The following CPT1A variants were observed in gnomAD, a reference collection of about 807,000 sequenced individuals.
The protein encoded by CPT1A is carnitine O-palmitoyltransferase 1, liver isoform.
A neutral mutation model predicts 100.8 loss-of-function variants in CPT1A; 64 were observed. The observed-to-expected ratio is 0.63, with a 90% CI of 0.52 to 0.78. The LOEUF (loss-of-function observed/expected upper bound fraction) is 0.78. CPT1A is among the 30% of genes least tolerant of loss of function. The pLI, the probability that CPT1A is intolerant of heterozygous loss-of-function variation, is 0.00. For synonymous variants in CPT1A, 363 were observed against 396.0 expected (o/e 0.92, Z 0.99); for missense variants, 802 against 1,034.1 (o/e 0.78, Z 3.08).
intron 18 of CPT1A, among the ~76,000 whole-genome samples, chr11:68,759,284 A>G (rs1462920688): frequency 6.6e-6 from 1 of 151,360 alleles, no homozygotes; most frequent in Non-Finnish European, 1.5e-5. Context: ...AGTCCCAGCT[A>G]CTTGGGAGGC....
chr11:68,773,651 G>T, intron 13 of CPT1A: 1 of 651,634 alleles, frequency 1.5e-6, no homozygotes, highest in Non-Finnish European at 2.5e-6. Flanking sequence ...TCTGACATGA[G>T]CAGGCCAGGA....
chr11:68,779,725 G>A (rs1004420478), intron 12 of CPT1A, among the ~76,000 whole-genome samples: 2 of 151,208 alleles, frequency 1.3e-5, no homozygotes, highest in East Asian at 1.9e-4. Flanking sequence ...GAGCCTGGGC[G>A]GTCAAGGCTA....
At chr11:68,789,717 C>A (rs1320627647) in intron 9 of CPT1A, among the ~76,000 whole-genome samples, 1 of 152,046 alleles carries the variant, frequency 6.6e-6, no homozygotes, top group Non-Finnish European at 1.5e-5. Context: ...ATTTACATTT[C>A]TTTCATTCCC....
chr11:68,834,697 C>T (rs557403831), intron 1 of CPT1A, among the ~76,000 whole-genome samples: 1 of 151,956 alleles, frequency 6.6e-6, no homozygotes, highest in South Asian at 2.1e-4. Context: ...GCTATGATCA[C>T]GCCACTGCAC....
chr11:68,757,392 G>A lies in CPT1A; in HGVS notation c.*252C>T. The A allele has an allele frequency of 7.3e-7, 1 of 1,367,290 alleles. No individual in the cohort carries two copies. Among genetic ancestry groups the A allele is most frequent in the Non-Finnish European group, 9.4e-7 (1 of 1,059,400 alleles). The allele number at this position is 1,367,290 out of a possible 1,614,324, so 84.7% of individuals were successfully genotyped here. Reference sequence around the variant, plus strand: ...GATTTGCATCCCTTAATAAATCCAAGCCGATGCGGAGACATCAGGGGAGAC... The same window carrying A: ...GATTTGCATCCCTTAATAAATCCAAACCGATGCGGAGACATCAGGGGAGAC... On this transcript the variant is annotated 3_prime_UTR_variant, in exon 19 of 19. Transcript: ENST00000265641.
intron 4 of CPT1A, among the ~76,000 whole-genome samples, chr11:68,806,078 C>T (rs962796551): frequency 6.6e-6 from 1 of 150,792 alleles, no homozygotes; most frequent in Non-Finnish European, 1.5e-5. Context: ...TGCAGTGACA[C>T]AACCACAGCT....
At chr11:68,783,262 C>T (rs1398759315) in intron 10 of CPT1A, among the ~76,000 whole-genome samples, 1 of 152,066 alleles carries the variant, frequency 6.6e-6, no homozygotes, top group Non-Finnish European at 1.5e-5. Context: ...CCACATTAAC[C>T]TACTCATGCA....
rs1156671342 is a variant in CPT1A, at chr11:68,761,513, GGAA to G, written c.2028+19_2028+21del. On this transcript the variant is annotated intron_variant, in intron 16 of 18. Coordinates refer to ENST00000265641, the MANE Select transcript of CPT1A (RefSeq NM_001876.4). ...TTTTGGTCTAGCCAATACAACTGAC[GGAA>G]GAAGTGGAAGAGACTTACTTCCTTA... is the stretch of plus-strand genomic sequence containing the variant. The G allele has an allele frequency of 3.1e-6, 5 of 1,612,504 alleles. No homozygotes were observed. Among genetic ancestry groups the G allele is most frequent in the Non-Finnish European group, 4.2e-6 (5 of 1,178,920 alleles).
chr11:68,773,618 G>T, intron 13 of CPT1A, 189 bp from the exon 14 acceptor site: 1 of 985,896 alleles, frequency 1.0e-6, no homozygotes, highest in Non-Finnish European at 1.5e-6. Flanking sequence ...AGGAGCAGCT[G>T]CAATGTTATA....
At chr11:68,787,235 G>A (rs1016657649) in intron 9 of CPT1A, among the ~76,000 whole-genome samples, 1 of 151,910 alleles carries the variant, frequency 6.6e-6, no homozygotes, top group African/African-American at 2.4e-5. Flanking sequence ...AGGAGATCAA[G>A]ACCATCCTAG....
At chr11:68,797,026 A>T in intron 6 of CPT1A, 93 bp from the exon 7 acceptor site, 2 of 1,252,182 alleles carry the variant, frequency 1.6e-6, no homozygotes, top group Admixed American at 3.8e-5. Flanking sequence ...AAGGGCAGGC[A>T]GTGCTTTTGG....
intron 15 of CPT1A, 29 bp downstream of exon 15, chr11:68,762,598 G>A (rs554739477): frequency 1.8e-5 from 29 of 1,612,224 alleles, no homozygotes; most frequent in Middle Eastern, 1.7e-4. Flanking sequence ...TGACAAGCAC[G>A]TTGTGTCCTC....
chr11:68,754,782 C>T (rs1946661931), downstream of CPT1A: 2 of 780,764 alleles, frequency 2.6e-6, no homozygotes, highest in Admixed American at 1.7e-5. Flanking sequence ...CCTCCAAGGC[C>T]TTGTTTCCAT....
intron 4 of CPT1A, among the ~76,000 whole-genome samples, chr11:68,806,532 G>A (rs959722232): frequency 2.0e-5 from 3 of 151,780 alleles, no homozygotes; most frequent in Non-Finnish European, 4.4e-5. Context: ...GGATGCTCAG[G>A]TGGGAAAATC....
rs1182512853 is a variant in CPT1A, at chr11:68,794,557, C to T, written c.879+247G>A. 3.9e-5 allele frequency among the ~76,000 whole-genome samples: 6 copies of T among 152,256 alleles called. No individual in the cohort carries two copies. The South Asian group carries it at 6.2e-4, about 16-fold the overall frequency. ...TCCCGAGTAGCTGGGATTACAGGCG[C>T]GTGCCAGCACGCCCAGCTAATTTTT... On this transcript the variant is annotated intron_variant, in intron 8 of 18. Coordinates refer to ENST00000265641, the MANE Select transcript of CPT1A (RefSeq NM_001876.4).
intron 16 of CPT1A, among the ~76,000 whole-genome samples, chr11:68,761,317 G>A (rs1310131392): frequency 1.3e-5 from 2 of 150,866 alleles, no homozygotes; most frequent in South Asian, 2.2e-4. Flanking sequence ...AGGTCTTCGG[G>A]TCTATTAAGT....
At chr11:68,830,377 C>T (rs948645572) in intron 1 of CPT1A, among the ~76,000 whole-genome samples, 2 of 152,146 alleles carry the variant, frequency 1.3e-5, no homozygotes, top group Non-Finnish European at 2.9e-5. Context: ...CCTCCTTGCC[C>T]GGAGCACACG....
At chr11:68,828,836 G>A (rs538967526) in intron 1 of CPT1A, among the ~76,000 whole-genome samples, 7 of 152,264 alleles carry the variant, frequency 4.6e-5, no homozygotes, top group African/African-American at 7.2e-5. Context: ...CCCACTTCCC[G>A]TTCCTTCTTC....
intron 1 of CPT1A, among the ~76,000 whole-genome samples, chr11:68,825,834 C>G (rs1856712398): frequency 6.6e-6 from 1 of 152,166 alleles, no homozygotes; most frequent in Non-Finnish European, 1.5e-5. Flanking sequence ...GGAGTGGATG[C>G]AGAGTGGCAG....
Sources: gnomAD v4.1 joint callset for allele counts (sites outside exome capture counted in the v4.1 genomes callset) on GRCh38, gnomAD v4.1.1 for gene constraint, MANE v1.5 for transcripts, NCBI Gene and HGNC (gene_info 2026-07-23, HGNC 2026-07-21) for gene names.